Variants in LPP observed in about 807,000 individuals in gnomAD.
LPP encodes LIM domain containing preferred translocation partner in lipoma, also known as lipoma-preferred partner.
LPP carries 38 observed loss-of-function variants against 60.4 expected under a neutral mutation model. That is an observed-to-expected ratio of 0.63 (90% confidence interval 0.49 to 0.83). The LOEUF (loss-of-function observed/expected upper bound fraction) is 0.83, where lower values mean the gene tolerates loss of function less well. Among genes scored for constraint, LPP ranks in the 40% least tolerant of loss-of-function variants. The probability of loss-of-function intolerance (pLI) is 0.00; values close to 1 mark genes in which losing one functional copy is unlikely to be tolerated. For missense variants in LPP, 902 were observed against 783.6 expected, an observed-to-expected ratio of 1.15 and a Z score of -1.80; for synonymous variants, 328 against 290.8, an observed-to-expected ratio of 1.13 and a Z score of -1.30.
intron 3 of LPP, among the ~76,000 whole-genome samples, chr3:188,396,256 T>A (rs1780930240): frequency 6.6e-6 from 1 of 152,206 alleles, no homozygotes; most frequent in African/African-American, 2.4e-5. Flanking sequence ...CTTTTTCAAG[T>A]TATAACTAAA....
chr3:188,167,538 C>CA (rs145648006), intron 1 of LPP, among the ~76,000 whole-genome samples: 1 of 150,302 alleles, frequency 6.7e-6, no homozygotes, highest in Non-Finnish European at 1.5e-5. Flanking sequence ...CAAAACAAAA[C>CA]AAAGGCCTGC....
chr3:188,699,742 A>C (rs1463593417), intron 7 of LPP, among the ~76,000 whole-genome samples: 1 of 152,012 alleles, frequency 6.6e-6, no homozygotes, highest in Non-Finnish European at 1.5e-5. Context: ...TCCACCTTCC[A>C]CTTCTTTCCT....
chr3:188,504,409 C>G (rs1031506954), intron 5 of LPP, among the ~76,000 whole-genome samples: 11 of 152,064 alleles, frequency 7.2e-5, no homozygotes, highest in African/African-American at 2.7e-4. Flanking sequence ...CAGGTAGATC[C>G]CCCATCAGGT....
intron 7 of LPP, among the ~76,000 whole-genome samples, chr3:188,628,152 A>G (rs1018837363): frequency 6.6e-6 from 1 of 152,112 alleles, no homozygotes; most frequent in Non-Finnish European, 1.5e-5. Flanking sequence ...TCTGTAAGTT[A>G]GAAAAATCTC....
chr3:188,273,142 C>A (rs1350926615), intron 2 of LPP, among the ~76,000 whole-genome samples: 1 of 152,142 alleles, frequency 6.6e-6, no homozygotes. Context: ...ACAATAACTG[C>A]CCCCACCACC....
chr3:188,161,394 A>T (rs1042186392), intron 1 of LPP, among the ~76,000 whole-genome samples: 2 of 152,216 alleles, frequency 1.3e-5, no homozygotes, highest in African/African-American at 4.8e-5. Flanking sequence ...AATATCAGGT[A>T]GCTTAATTCC....
chr3:188,491,413 G>A (rs922972513), intron 5 of LPP, among the ~76,000 whole-genome samples: 11 of 152,168 alleles, frequency 7.2e-5, no homozygotes, highest in African/African-American at 2.2e-4. Flanking sequence ...TCAAAAGGGT[G>A]AGAATACAAG....
At chr3:188,448,079 T>C (rs1269649804) in intron 4 of LPP, among the ~76,000 whole-genome samples, 2 of 152,140 alleles carry the variant, frequency 1.3e-5, no homozygotes, top group Admixed American at 6.5e-5. Flanking sequence ...AGGGTCTATA[T>C]TGGATTGTAA....
chr3:188,657,357 C>G (rs1038689304), intron 7 of LPP, among the ~76,000 whole-genome samples: 10 of 148,258 alleles, frequency 6.7e-5, no homozygotes, highest in Admixed American at 2.7e-4. Context: ...ATAAAAAAGG[C>G]AAAGAATTCT....
intron 4 of LPP, among the ~76,000 whole-genome samples, chr3:188,473,318 T>C (rs1003534344): frequency 2.0e-5 from 3 of 152,196 alleles, no homozygotes; most frequent in Admixed American, 6.5e-5. Flanking sequence ...TTAGATTTCA[T>C]TGATTGTCCT....
chr3:188,778,356 T>G (rs1348156979), intron 9 of LPP, among the ~76,000 whole-genome samples: 1 of 152,212 alleles, frequency 6.6e-6, no homozygotes, highest in East Asian at 1.9e-4. Flanking sequence ...AGTTCCTGGT[T>G]GCTGAAATTT....
intron 1 of LPP, among the ~76,000 whole-genome samples, chr3:188,170,721 T>TC (rs1009122138): frequency 6.6e-6 from 1 of 152,040 alleles, no homozygotes; most frequent in Non-Finnish European, 1.5e-5. Context: ...CAACTTACCT[T>TC]CCCCCCAGCT....
Position 188,785,547 on chromosome 3 carries a change from T to TATATATACACACAC in LPP, c.1410+25266_1410+25267insTATATACACACACA, listed in dbSNP as rs1206082559. Reference sequence around the variant, plus strand: ...ATATATATTCCATCATATATATATATACACACACACACACACACACACACA... The same window carrying TATATATACACACAC: ...ATATATATTCCATCATATATATATATATATATACACACACACACACACACACACACACACACACA... On this transcript the variant is annotated intron_variant, in intron 9 of 11. Coordinates refer to ENST00000617246, the MANE Select transcript of LPP (RefSeq NM_001375462.1). 6.2e-4 allele frequency among the ~76,000 whole-genome samples: 27 copies of TATATATACACACAC among 43,846 alleles called. 6 individuals carry two copies. Among genetic ancestry groups the TATATATACACACAC allele is most frequent in the East Asian group, 4.9e-3 (2 of 406 alleles). The allele number at this position is 43,846 out of a possible 152,430, so 28.8% of individuals were successfully genotyped here.
chr3:188,627,760 T>C (rs892783592), intron 7 of LPP, among the ~76,000 whole-genome samples: 1 of 152,110 alleles, frequency 6.6e-6, no homozygotes, highest in Non-Finnish European at 1.5e-5. Context: ...CTTGACCAAA[T>C]GGACCTATGA....
chr3:188,379,131 A>G (rs962424380), intron 3 of LPP, among the ~76,000 whole-genome samples: 5 of 151,968 alleles, frequency 3.3e-5, no homozygotes, highest in Non-Finnish European at 7.4e-5. Flanking sequence ...GATACTAATG[A>G]TTAACAGAGA....
In LPP at chr3:188,885,031, T is replaced by G. The variant is rs1332635987; in HGVS notation, c.*10552T>G. On this transcript the variant is annotated 3_prime_UTR_variant, in exon 12 of 12. Coordinates refer to ENST00000617246, the MANE Select transcript of LPP (RefSeq NM_001375462.1). ...CAAAAAACCTCCTAGAAAGTCTCCA[T>G]GTATGCTCTAGAAGTTGCTCTACGT... 1.9e-5 allele frequency: 4 copies of G among 213,682 alleles called. No individual in the cohort carries two copies. The highest frequency in any genetic ancestry group is 3.8e-5 in the Non-Finnish European group (4 of 105,742). 13.2% of individuals were successfully genotyped at this position (213,682 alleles called of 1,614,324 possible). A position where few individuals can be genotyped will look rare whatever the true frequency, so the allele number is the denominator to read the frequency against.
At chr3:188,862,120 T>C (rs1765333866) in intron 9 of LPP, among the ~76,000 whole-genome samples, 1 of 152,160 alleles carries the variant, frequency 6.6e-6, no homozygotes. Flanking sequence ...GAGTGTACAA[T>C]AGGAATAGGA....
chr3:188,657,258 G>GCATATATATATATATATATA (rs5741613), intron 7 of LPP, among the ~76,000 whole-genome samples: 1 of 89,812 alleles, frequency 1.1e-5, no homozygotes, highest in Admixed American at 1.3e-4. Flanking sequence ...CTGTCAAGGT[G>GCATATATATATATATATATA]TATATATATA....
At chr3:188,633,611 A>G (rs1360779572) in intron 7 of LPP, among the ~76,000 whole-genome samples, 1 of 152,204 alleles carries the variant, frequency 6.6e-6, no homozygotes, top group Non-Finnish European at 1.5e-5. Context: ...TAATGGCATG[A>G]GTATATTAAA....
Sources: allele counts gnomAD v4.1 joint callset (sites outside exome capture counted in the v4.1 genomes callset), GRCh38; gene constraint gnomAD v4.1.1; transcripts MANE v1.5; gene names NCBI Gene and HGNC (gene_info 2026-07-23, HGNC 2026-07-21).